The following CDCP1 variants were observed in gnomAD, a reference collection of about 807,000 sequenced individuals.
CDCP1 encodes CUB domain containing protein 1.
In CDCP1, 29 loss-of-function variants were observed where a neutral mutation model predicts 60.2. That is an observed-to-expected ratio of 0.48 (90% confidence interval 0.36 to 0.66). The LOEUF is 0.66. Among genes scored for constraint, CDCP1 ranks in the 30% least tolerant of loss-of-function variants. CDCP1 has a pLI of 0.00. For missense variants in CDCP1, 876 were observed against 1,074.3 expected (o/e 0.82, Z 2.58); for synonymous variants, 387 against 431.1 (o/e 0.90, Z 1.27).
At chr3:45,144,678 C>CA (rs1381231723) in intron 1 of CDCP1, among the ~76,000 whole-genome samples, 19 of 152,210 alleles carry the variant, frequency 1.2e-4, no homozygotes, top group Non-Finnish European at 2.9e-5. Context: ...ACTGTTGTCA[C>CA]AGAAAGCCAA....
chr3:45,116,334 T>C (rs1195543398), intron 2 of CDCP1, among the ~76,000 whole-genome samples: 1 of 151,626 alleles, frequency 6.6e-6, no homozygotes, highest in African/African-American at 2.4e-5. Context: ...TCACATTAAC[T>C]GATTAGCCAG....
intron 1 of CDCP1, among the ~76,000 whole-genome samples, chr3:45,125,993 C>A (rs896802658): frequency 6.6e-6 from 1 of 152,208 alleles, no homozygotes; most frequent in Non-Finnish European, 1.5e-5. Context: ...ACCCTGGCAC[C>A]TCTGCAGTCT....
chr3:45,096,767 A>G (rs1288399593), intron 4 of CDCP1, among the ~76,000 whole-genome samples: 1 of 152,140 alleles, frequency 6.6e-6, no homozygotes, highest in Non-Finnish European at 1.5e-5. Context: ...AGCTATTTAT[A>G]TATACAGACT....
chr3:45,146,309 C>G lies in CDCP1; in HGVS notation c.-22G>C, dbSNP rs370776141. On this transcript the variant is annotated 5_prime_UTR_variant, in exon 1 of 9. Coordinates refer to ENST00000296129, the MANE Select transcript of CDCP1 (RefSeq NM_022842.5). ...CCATGACTCCGGGACGCCTCGGCCT[C>G]GGTGGGGAAAACGACGGTGGGGAGC... 2 of 1,545,836 alleles carry G rather than the reference C, an allele frequency of 1.3e-6. No individual in the cohort carries two copies. The highest frequency in any genetic ancestry group is 1.4e-5 in the African/African-American group (1 of 69,878).
At chr3:45,111,482 C>G (rs1698692983) in intron 3 of CDCP1, among the ~76,000 whole-genome samples, 2 of 152,118 alleles carry the variant, frequency 1.3e-5, no homozygotes, top group South Asian at 4.1e-4. Context: ...TCGAGACCAG[C>G]CTGGCCAACA....
At chr3:45,124,460 A>G (rs1254651237) in intron 1 of CDCP1, among the ~76,000 whole-genome samples, 1 of 152,152 alleles carries the variant, frequency 6.6e-6, no homozygotes, top group African/African-American at 2.4e-5. Context: ...CAGCCTAGGC[A>G]CCAGGAGATA....
chr3:45,107,400 G>T (rs892691023), intron 4 of CDCP1, among the ~76,000 whole-genome samples: 1 of 151,940 alleles, frequency 6.6e-6, no homozygotes, highest in African/African-American at 2.4e-5. Flanking sequence ...TAGAGATGGG[G>T]TTTCACCATA....
intron 4 of CDCP1, among the ~76,000 whole-genome samples, chr3:45,105,862 G>A (rs1490967999): frequency 6.6e-6 from 1 of 152,206 alleles, no homozygotes; most frequent in Admixed American, 6.5e-5. Context: ...AAAGAAAGGA[G>A]AGGGTGCATT....
At chr3:45,143,372 C>A (rs964344824) in intron 1 of CDCP1, among the ~76,000 whole-genome samples, 4 of 152,088 alleles carry the variant, frequency 2.6e-5, no homozygotes, top group African/African-American at 9.7e-5. Flanking sequence ...TTTCAAGTGC[C>A]TTTTCACTGA....
intron 5 of CDCP1, 108 bp from the exon 6 acceptor site, chr3:45,093,765 C>T (rs965872030): frequency 7.7e-6 from 10 of 1,300,752 alleles, no homozygotes; most frequent in Non-Finnish European, 9.5e-6. Context: ...CCCTGTGTTT[C>T]CCTTCGGTCT....
At chr3:45,089,622 T>C (rs1698259362) in intron 7 of CDCP1, among the ~76,000 whole-genome samples, 1 of 152,218 alleles carries the variant, frequency 6.6e-6, no homozygotes, top group Non-Finnish European at 1.5e-5. Context: ...ACAGATAAGA[T>C]ACACTGCTGT....
intron 1 of CDCP1, among the ~76,000 whole-genome samples, chr3:45,129,042 G>C (rs1699046039): frequency 6.6e-6 from 1 of 152,226 alleles, no homozygotes; most frequent in South Asian, 2.1e-4. Flanking sequence ...TAAAGTAACT[G>C]AACCATTCCT....
At chr3:45,145,125 T>G (rs972194549) in intron 1 of CDCP1, among the ~76,000 whole-genome samples, 1 of 152,156 alleles carries the variant, frequency 6.6e-6, no homozygotes, top group Non-Finnish European at 1.5e-5. Flanking sequence ...TATATTGATA[T>G]TTTAGAAGCT....
At chr3:45,132,419 A>C (rs866484630) in intron 1 of CDCP1, among the ~76,000 whole-genome samples, 32 of 152,154 alleles carry the variant, frequency 2.1e-4, no homozygotes, top group African/African-American at 7.7e-4. Context: ...GTGGGGTGGT[A>C]GTAGGGAAAC....
chr3:45,108,123 TAAAAAAAAAA>T (rs145415750), intron 4 of CDCP1, among the ~76,000 whole-genome samples: 3,582 of 142,328 alleles, frequency 0.025, 69 homozygotes, highest in Non-Finnish European at 0.039. Flanking sequence ...AGACTCTGCC[TAAAAAAAAAA>T]GAAAAAAAAA....
intron 2 of CDCP1, among the ~76,000 whole-genome samples, chr3:45,113,053 G>T (rs141358838): frequency 6.6e-6 from 1 of 152,316 alleles, no homozygotes; most frequent in Non-Finnish European, 1.5e-5. Context: ...AAGCCAGAAG[G>T]AAGGCATTTG....
chr3:45,098,613 C>T (rs1455719703), intron 4 of CDCP1, among the ~76,000 whole-genome samples: 1 of 151,548 alleles, frequency 6.6e-6, no homozygotes, highest in Non-Finnish European at 1.5e-5. Context: ...CACACCCCCA[C>T]AACACAGCAC....
At position 45,089,089 on chromosome 3, in the gene CDCP1, A is replaced by C. The variant is rs1698247611; in HGVS notation, c.2046T>G (p.Ser682=). ...CACAGCAAATGATGAGCCCGAGGGC[A>C]GACAGCAGTAAGACTCCACCTCCCA... ...AAVGGGVLLL[S]ALGLIICCVK... Residue 682 remains serine (S), a synonymous_variant, in exon 8 of 9, where the codon TCT becomes TCG. Transcript: ENST00000296129. 3.1e-6 allele frequency: 5 copies of C among 1,614,208 alleles called. No homozygotes were observed. Among genetic ancestry groups the C allele is most frequent in the Non-Finnish European group, 4.2e-6 (5 of 1,180,036 alleles).
rs151274061 is a variant in CDCP1 at position 45,093,405 on chromosome 3, G to A, written c.1499C>T (p.Pro500Leu). 8.4e-5 allele frequency: 136 copies of A among 1,614,178 alleles called. No homozygotes were observed. Among genetic ancestry groups the A allele is most frequent in the Middle Eastern group, 1.7e-4 (1 of 6,060 alleles). ...SQDLYFGSFC[P>L]GGSIKQIQVK... ...CTGGATCTGCTTGATAGAGCCTCCC[G>A]GGCAGAAGGAGCCGAAGTACAGGTC... Residue 500 changes from proline to leucine, a missense_variant, in exon 6 of 9, where the codon CCG (proline) becomes CTG (leucine). By Grantham distance (98) the Pro-to-Leu change is moderately conservative (BLOSUM62 -3). Coordinates refer to ENST00000296129, the MANE Select transcript of CDCP1 (RefSeq NM_022842.5).
Sources: gnomAD v4.1 joint callset for allele counts (sites outside exome capture counted in the v4.1 genomes callset) on GRCh38, gnomAD v4.1.1 for gene constraint, MANE v1.5 for transcripts, NCBI Gene and HGNC (gene_info 2026-07-23, HGNC 2026-07-21) for gene names.